The following B3GALT1 variants were observed in gnomAD, a reference collection of about 807,000 sequenced individuals.
The protein encoded by B3GALT1 is beta-1,3-galactosyltransferase 1.
Under a neutral mutation model 23.2 loss-of-function variants are expected in B3GALT1, and 10 were observed. The ratio of observed to expected loss-of-function variants is 0.43; its 90% CI spans 0.27 to 0.73. The LOEUF is 0.73. B3GALT1 is among the 30% of genes least tolerant of loss of function. The pLI, the probability that B3GALT1 is intolerant of heterozygous loss-of-function variation, is 0.21. For synonymous variants in B3GALT1, 156 were observed against 141.5 expected (o/e 1.10, Z -0.73); for missense variants, 299 against 405.4 (o/e 0.74, Z 2.25).
At chr2:167,337,502 T>G (rs776835865) in intron 1 of B3GALT1, among the ~76,000 whole-genome samples, 3 of 152,164 alleles carry the variant, frequency 2.0e-5, no homozygotes, top group Non-Finnish European at 2.9e-5. Context: ...GCAACAACTT[T>G]AGCATTTGGG....
At position 167,720,189 on chromosome 2, in the gene B3GALT1, A is replaced by G. The variant is rs140812809; in HGVS notation, c.-352+73223A>G. ...TTTTGATAAAAACAGTACTTGTTTT[A>G]TATCAACATTTTCTACGTAGGAATT... On this transcript the variant is annotated intron_variant, in intron 3 of 4. Transcript: ENST00000392690. Among the ~76,000 whole-genome samples, 130 of 152,332 alleles carry G rather than the reference A, an allele frequency of 8.5e-4. 1 individual carries two copies. Among genetic ancestry groups the G allele is most frequent in the African/African-American group, 3.0e-3 (126 of 41,574 alleles).
In B3GALT1 at chr2:167,621,240, CA is replaced by C. The variant is rs566680491; in HGVS notation, c.-409-25668del. Among the ~76,000 whole-genome samples, 12 of 151,838 alleles carry C rather than the reference CA, an allele frequency of 7.9e-5. No homozygotes were observed. The East Asian group carries it at 2.3e-3, about 30-fold the overall frequency. On this transcript the variant is annotated intron_variant, in intron 2 of 4. Coordinates refer to ENST00000392690, the MANE Select transcript of B3GALT1 (RefSeq NM_020981.4). ...AGTAGCTGGAACTACAGGCACACAC[CA>C]CCACACCTGGCTTATACATTTATTT...
chr2:167,455,038 A>G (rs548125104), intron 1 of B3GALT1, among the ~76,000 whole-genome samples: 141 of 152,338 alleles, frequency 9.3e-4, no homozygotes, highest in Middle Eastern at 3.4e-3. Flanking sequence ...CTTTAGTTCA[A>G]TTTACTGACT....
chr2:167,625,875 T>A (rs1685331646), intron 2 of B3GALT1, among the ~76,000 whole-genome samples: 1 of 145,506 alleles, frequency 6.9e-6, no homozygotes, highest in South Asian at 2.2e-4. Context: ...AATGTCTGCT[T>A]TCTACTTGAA....
intron 3 of B3GALT1, among the ~76,000 whole-genome samples, chr2:167,807,066 T>C (rs185588647): frequency 0.035 from 5,352 of 152,148 alleles, 152 homozygotes; most frequent in South Asian, 0.07. Context: ...TCGAGGAACT[T>C]ATCCATTTCT....
intron 1 of B3GALT1, among the ~76,000 whole-genome samples, chr2:167,446,407 G>A (rs942039792): frequency 1.3e-5 from 2 of 152,128 alleles, no homozygotes; most frequent in African/African-American, 4.8e-5. Context: ...TTGAATGTTG[G>A]CCTGCCTTGC....
intron 1 of B3GALT1, among the ~76,000 whole-genome samples, chr2:167,419,829 C>A (rs971176579): frequency 5.3e-5 from 8 of 152,154 alleles, no homozygotes; most frequent in Non-Finnish European, 1.2e-4. Flanking sequence ...GTGTCAAAAC[C>A]AGTGAGTCTC....
chr2:167,426,868 G>A (rs1698630492), intron 1 of B3GALT1, among the ~76,000 whole-genome samples: 1 of 152,230 alleles, frequency 6.6e-6, no homozygotes, highest in South Asian at 2.1e-4. Context: ...GCACCCATAG[G>A]TATATATCCT....
At chr2:167,451,921 A>G (rs1274042710) in intron 1 of B3GALT1, among the ~76,000 whole-genome samples, 1 of 151,756 alleles carries the variant, frequency 6.6e-6, no homozygotes, top group African/African-American at 2.4e-5. Flanking sequence ...TTCCAGGGGG[A>G]TTATTGCTGC....
intron 1 of B3GALT1, among the ~76,000 whole-genome samples, chr2:167,393,205 G>C (rs1698044469): frequency 6.6e-6 from 1 of 150,684 alleles, no homozygotes; most frequent in South Asian, 2.1e-4. Flanking sequence ...CTGCACTCCA[G>C]CCTGGGCGAC....
At chr2:167,337,858 A>G (rs557904526) in intron 1 of B3GALT1, among the ~76,000 whole-genome samples, 1 of 152,306 alleles carries the variant, frequency 6.6e-6, no homozygotes, top group East Asian at 1.9e-4. Context: ...GTTATTAATT[A>G]TAAAGAATAA....
At chr2:167,724,780 T>C (rs1014370025) in intron 3 of B3GALT1, among the ~76,000 whole-genome samples, 6 of 152,192 alleles carry the variant, frequency 3.9e-5, no homozygotes, top group Non-Finnish European at 8.8e-5. Flanking sequence ...TTGCAATCAA[T>C]GTGCCATGAT....
chr2:167,787,083 T>C (rs1688354361), intron 3 of B3GALT1, among the ~76,000 whole-genome samples: 1 of 152,160 alleles, frequency 6.6e-6, no homozygotes, highest in Admixed American at 6.5e-5. Context: ...TTTGACCAGC[T>C]AGAAGGCCAT....
intron 1 of B3GALT1, among the ~76,000 whole-genome samples, chr2:167,480,881 T>C (rs1699556118): frequency 6.6e-6 from 1 of 152,112 alleles, no homozygotes; most frequent in Non-Finnish European, 1.5e-5. Context: ...CTGTCTACAC[T>C]CCTTTTGTTT....
chr2:167,629,974 G>C (rs987535194), intron 2 of B3GALT1, among the ~76,000 whole-genome samples: 6 of 150,104 alleles, frequency 4.0e-5, no homozygotes, highest in African/African-American at 1.5e-4. Flanking sequence ...GTAAAATTAA[G>C]TATTTTCCAA....
At chr2:167,305,968 A>G (rs1381393545) in intron 1 of B3GALT1, among the ~76,000 whole-genome samples, 1 of 152,122 alleles carries the variant, frequency 6.6e-6, no homozygotes, top group East Asian at 1.9e-4. Flanking sequence ...TGGTGCTTTC[A>G]GATACTCTTT....
chr2:167,351,784 C>T (rs1697312241), intron 1 of B3GALT1, among the ~76,000 whole-genome samples: 1 of 152,122 alleles, frequency 6.6e-6, no homozygotes, highest in Non-Finnish European at 1.5e-5. Context: ...TTATTTGAAA[C>T]TGTTCTCATC....
intron 4 of B3GALT1, among the ~76,000 whole-genome samples, chr2:167,849,591 T>G (rs892936567): frequency 6.6e-6 from 1 of 152,046 alleles, no homozygotes; most frequent in African/African-American, 2.4e-5. Flanking sequence ...CAAGATGGAT[T>G]AAGGACTTAA....
intron 4 of B3GALT1, among the ~76,000 whole-genome samples, chr2:167,839,257 A>C (rs1689572100): frequency 6.6e-6 from 1 of 151,920 alleles, no homozygotes; most frequent in Admixed American, 6.5e-5. Flanking sequence ...TGCAGATGAC[A>C]TGATTGTATA....
Sources: allele counts gnomAD v4.1 joint callset (sites outside exome capture counted in the v4.1 genomes callset), GRCh38; gene constraint gnomAD v4.1.1; transcripts MANE v1.5; gene names NCBI Gene and HGNC (gene_info 2026-07-23, HGNC 2026-07-21).